The following AGBL4 variants were observed in gnomAD, a reference collection of about 807,000 sequenced individuals.
The protein encoded by AGBL4 is AGBL carboxypeptidase 4, also known as cytosolic carboxypeptidase 6.
AGBL4 carries 58 observed loss-of-function variants against 66.4 expected under a neutral mutation model. The observed-to-expected ratio is 0.87, with a 90% confidence interval of 0.71 to 1.09. The LOEUF is 1.09. Among genes scored for constraint, AGBL4 ranks in the 50% least tolerant of loss-of-function variants. AGBL4 has a pLI of 0.00. For missense variants in AGBL4, 579 were observed against 631.0 expected, an observed-to-expected ratio of 0.92 and a Z score of 0.88; for synonymous variants, 234 against 222.9, an observed-to-expected ratio of 1.05 and a Z score of -0.44.
chr1:49,468,786 T>C (rs559999035), intron 3 of AGBL4, among the ~76,000 whole-genome samples: 1 of 152,032 alleles, frequency 6.6e-6, no homozygotes, highest in East Asian at 1.9e-4. Context: ...TTTGACTCCA[T>C]GAAAGTGCAT....
At chr1:49,642,443 T>C (rs1304838178) in intron 3 of AGBL4, among the ~76,000 whole-genome samples, 1 of 151,920 alleles carries the variant, frequency 6.6e-6, no homozygotes, top group Non-Finnish European at 1.5e-5. Context: ...GAGAAGAAGC[T>C]GGAAGCTCAA....
At chr1:48,851,120 G>T (rs1647022758) in intron 6 of AGBL4, among the ~76,000 whole-genome samples, 1 of 152,144 alleles carries the variant, frequency 6.6e-6, no homozygotes, top group East Asian at 1.9e-4. Flanking sequence ...CCCTGCAGTG[G>T]ATACCTTTTT....
At chr1:49,932,943 A>G (rs35377949) in intron 1 of AGBL4, among the ~76,000 whole-genome samples, 1 of 152,156 alleles carries the variant, frequency 6.6e-6, no homozygotes, top group Non-Finnish European at 1.5e-5. Flanking sequence ...GAAAACCTGT[A>G]TACACATCAT....
chr1:49,329,909 T>C (rs1202916326), intron 3 of AGBL4, among the ~76,000 whole-genome samples: 1 of 152,284 alleles, frequency 6.6e-6, no homozygotes, highest in African/African-American at 2.4e-5. Flanking sequence ...TGAGAACATA[T>C]GTATCTTTCT....
At chr1:49,882,261 AC>A (rs1647419081) in intron 1 of AGBL4, among the ~76,000 whole-genome samples, 1 of 149,966 alleles carries the variant, frequency 6.7e-6, no homozygotes, top group Non-Finnish European at 1.5e-5. Flanking sequence ...CTGTTTTGGT[AC>A]CAGTACCATG....
intron 6 of AGBL4, among the ~76,000 whole-genome samples, chr1:48,754,253 C>A (rs1652185516): frequency 6.6e-6 from 1 of 152,106 alleles, no homozygotes; most frequent in African/African-American, 2.4e-5. Flanking sequence ...GGGGGCTTAC[C>A]CTCCCCCAAC....
At chr1:49,232,510 A>G (rs1384754933) in intron 4 of AGBL4, among the ~76,000 whole-genome samples, 1 of 152,046 alleles carries the variant, frequency 6.6e-6, no homozygotes, top group Non-Finnish European at 1.5e-5. Flanking sequence ...CATCCTGGCT[A>G]ACACGTTGAA....
rs1013275776 is a variant in AGBL4, at chr1:49,521,309, C to T, written c.282+176004G>A. Reference sequence around the variant, plus strand: ...AAAGAGCCTGACTAGTAAAAGCAATCCTAAGTAAAAAGAACAAAGCTGGAG... The same window carrying T: ...AAAGAGCCTGACTAGTAAAAGCAATTCTAAGTAAAAAGAACAAAGCTGGAG... On this transcript the variant is annotated intron_variant, in intron 3 of 13. Coordinates refer to ENST00000371839, the MANE Select transcript of AGBL4 (RefSeq NM_032785.4). 8.0e-4 allele frequency among the ~76,000 whole-genome samples: 122 copies of T among 151,952 alleles called. 1 individual carries two copies. Among genetic ancestry groups the T allele is most frequent in the African/African-American group, 2.9e-3 (118 of 41,388 alleles).
At chr1:49,397,456 G>T (rs1045377643) in intron 3 of AGBL4, among the ~76,000 whole-genome samples, 5 of 152,232 alleles carry the variant, frequency 3.3e-5, no homozygotes, top group Admixed American at 3.3e-4. Flanking sequence ...AATAGCAGAA[G>T]TCAGACCCCT....
At chr1:49,503,724 C>T (rs149786476) in intron 3 of AGBL4, among the ~76,000 whole-genome samples, 67 of 152,224 alleles carry the variant, frequency 4.4e-4, no homozygotes, top group Non-Finnish European at 9.1e-4. Context: ...TTGCATGGGG[C>T]CTATGGCCCT....
chr1:48,559,415 AG>A (rs1644365168), intron 11 of AGBL4, among the ~76,000 whole-genome samples: 1 of 152,198 alleles, frequency 6.6e-6, no homozygotes, highest in Admixed American at 6.5e-5. Flanking sequence ...AAGAGGATAC[AG>A]GATGAGCATG....
chr1:49,372,541 G>A (rs1348303694), intron 3 of AGBL4, among the ~76,000 whole-genome samples: 1 of 151,788 alleles, frequency 6.6e-6, no homozygotes, highest in Non-Finnish European at 1.5e-5. Flanking sequence ...ACTGATCACT[G>A]TTTATTGAAA....
intron 1 of AGBL4, among the ~76,000 whole-genome samples, chr1:49,919,873 A>C (rs1168901923): frequency 6.6e-6 from 1 of 152,260 alleles, no homozygotes; most frequent in Non-Finnish European, 1.5e-5. Context: ...ACAGCATGGT[A>C]GTGGTACCAA....
At chr1:49,014,070 A>C (rs1338676048) in intron 5 of AGBL4, among the ~76,000 whole-genome samples, 4 of 152,302 alleles carry the variant, frequency 2.6e-5, no homozygotes, top group Admixed American at 6.5e-5. Flanking sequence ...CAATAAAAAA[A>C]CCCTGAGGAA....
intron 11 of AGBL4, among the ~76,000 whole-genome samples, chr1:48,562,988 G>C (rs1644419054): frequency 6.6e-6 from 1 of 152,180 alleles, no homozygotes; most frequent in South Asian, 2.1e-4. Flanking sequence ...AGACTCTTCT[G>C]TCCCACTGGG....
chr1:49,306,473 G>A (rs1644850823), intron 3 of AGBL4, among the ~76,000 whole-genome samples: 1 of 152,106 alleles, frequency 6.6e-6, no homozygotes, highest in Non-Finnish European at 1.5e-5. Flanking sequence ...TCTTCAATAA[G>A]GTTTTCTACT....
chr1:48,981,609 G>A (rs1369625847), intron 5 of AGBL4, among the ~76,000 whole-genome samples: 1 of 152,178 alleles, frequency 6.6e-6, no homozygotes, highest in African/African-American at 2.4e-5. Context: ...GTGTGGCCAG[G>A]TGCAGTGGCT....
At chr1:49,401,371 A>G (rs1391135848) in intron 3 of AGBL4, among the ~76,000 whole-genome samples, 2 of 152,208 alleles carry the variant, frequency 1.3e-5, no homozygotes, top group Admixed American at 6.5e-5. Context: ...TCAGAATTCA[A>G]GATGAGATTT....
At chr1:49,598,946 G>A (rs911839713) in intron 3 of AGBL4, among the ~76,000 whole-genome samples, 2 of 152,200 alleles carry the variant, frequency 1.3e-5, no homozygotes, top group Non-Finnish European at 2.9e-5. Flanking sequence ...TCCCAGGGAT[G>A]AAGCCAACTT....
Sources: gnomAD v4.1 joint callset for allele counts (sites outside exome capture counted in the v4.1 genomes callset) on GRCh38, gnomAD v4.1.1 for gene constraint, MANE v1.5 for transcripts, NCBI Gene and HGNC (gene_info 2026-07-23, HGNC 2026-07-21) for gene names.